The following LEPR variants were observed in gnomAD, a reference collection of about 807,000 sequenced individuals.
LEPR encodes the protein leptin receptor, also known as OB receptor.
In LEPR, 56 loss-of-function variants were observed where a neutral mutation model predicts 114.7. The ratio of observed to expected loss-of-function variants is 0.49; its 90% CI spans 0.39 to 0.61. The LOEUF (loss-of-function observed/expected upper bound fraction) is 0.61. Ranked by LOEUF, LEPR falls within the 20% of genes least tolerant of loss-of-function variation. LEPR has a pLI of 0.00. For missense variants in LEPR, 1,202 were observed against 1,352.9 expected, an observed-to-expected ratio of 0.89 and a Z score of 1.75; for synonymous variants, 443 against 461.4, an observed-to-expected ratio of 0.96 and a Z score of 0.51.
chr1:65,426,795 G>A (rs747791356), intron 2 of LEPR, among the ~76,000 whole-genome samples: 7 of 151,942 alleles, frequency 4.6e-5, no homozygotes, highest in South Asian at 2.1e-4. Flanking sequence ...TCAAGAGATC[G>A]AGACCATCCT....
chr1:65,526,541 C>G (rs1649984606), intron 2 of LEPR: 1 of 464,750 alleles, frequency 2.2e-6, no homozygotes, highest in African/African-American at 2.1e-5. Context: ...TAATGGAGTT[C>G]TTTATACTGA....
intron 2 of LEPR, among the ~76,000 whole-genome samples, chr1:65,564,975 A>T (rs953063460): frequency 6.6e-6 from 1 of 152,230 alleles, no homozygotes; most frequent in African/African-American, 2.4e-5. Flanking sequence ...AAGCCACCAG[A>T]CTTTTAATTA....
chr1:65,620,019 T>C lies in LEPR; in HGVS notation c.2487T>C (p.Thr829=), dbSNP rs745453240. Residue 829 remains threonine, a synonymous_variant, in exon 17 of 20, where the codon ACT becomes ACC. Coordinates refer to ENST00000349533, the MANE Select transcript of LEPR (RefSeq NM_002303.6). ...AACCAAAGATAATTAATAGTTTCACTCAAGGTAAAAATTATAATTTTAGTT... is the reference window on the plus strand; with the variant it reads ...AACCAAAGATAATTAATAGTTTCACCCAAGGTAAAAATTATAATTTTAGTT... ...VGKPKIINSF[T]QDDIEKHQSD... The C allele has an allele frequency of 1.2e-6, 2 of 1,607,402 alleles. No individual in the cohort carries two copies. The highest frequency in any genetic ancestry group is 2.7e-5 in the African/African-American group (2 of 74,778).
intron 2 of LEPR, among the ~76,000 whole-genome samples, chr1:65,488,214 C>CTCTT (rs1647648459): frequency 2.1e-5 from 1 of 46,768 alleles, no homozygotes; most frequent in Non-Finnish European, 3.6e-5. Flanking sequence ...CTTTCTTTCT[C>CTCTT]TCTCTCTCTC....
Position 65,488,214 on chromosome 1 carries a change from C to CTTTCTTTCTTTCTTTCTT in LEPR, c.-21+62837_-21+62838insTTCTTTCTTTCTTTCTTT, listed in dbSNP as rs774153035. ...TTTCTTTCTTTCTTTCTTTCTTTCTCTCTCTCTCTCTCTCTTTCTTTCTTT... is the reference window on the plus strand; with the variant it reads ...TTTCTTTCTTTCTTTCTTTCTTTCTCTTTCTTTCTTTCTTTCTTTCTCTCTCTCTCTCTTTCTTTCTTT... On this transcript the variant is annotated intron_variant, in intron 2 of 19. Transcript: ENST00000349533. 1.9e-3 allele frequency among the ~76,000 whole-genome samples: 88 copies of CTTTCTTTCTTTCTTTCTT among 46,778 alleles called. 3 individuals are homozygous for CTTTCTTTCTTTCTTTCTT. The highest frequency in any genetic ancestry group is 2.2e-3 in the Non-Finnish European group (61 of 27,896). 30.7% of individuals were successfully genotyped at this position (46,778 alleles called of 152,430 possible).
intron 2 of LEPR, among the ~76,000 whole-genome samples, chr1:65,507,700 C>A (rs1423721745): frequency 6.6e-6 from 1 of 151,522 alleles, no homozygotes; most frequent in Non-Finnish European, 1.5e-5. Flanking sequence ...TTGCATATAC[C>A]CAGAGGTAGA....
chr1:65,614,713 G>T (rs1364457366), intron 14 of LEPR, among the ~76,000 whole-genome samples: 1 of 152,130 alleles, frequency 6.6e-6, no homozygotes, highest in Non-Finnish European at 1.5e-5. Context: ...GGGGATATAG[G>T]TATGAACTTA....
chr1:65,547,939 G>A (rs905234167), intron 2 of LEPR, among the ~76,000 whole-genome samples: 1 of 149,548 alleles, frequency 6.7e-6, no homozygotes, highest in Non-Finnish European at 1.5e-5. Context: ...TCTCCTGTGG[G>A]CATTTAGTGC....
At chr1:65,609,204 C>T (rs775943534) in intron 12 of LEPR, among the ~76,000 whole-genome samples, 38 of 151,850 alleles carry the variant, frequency 2.5e-4, no homozygotes, top group African/African-American at 8.5e-4. Flanking sequence ...TGTGTAGTCA[C>T]GGTATACATA....
At chr1:65,474,542 T>C (rs887978806) in intron 2 of LEPR, among the ~76,000 whole-genome samples, 2 of 152,222 alleles carry the variant, frequency 1.3e-5, no homozygotes, top group Admixed American at 6.5e-5. Flanking sequence ...GAGCAGTCAA[T>C]GTAAATGACA....
At chr1:65,545,491 T>C (rs1216828092) in intron 2 of LEPR, among the ~76,000 whole-genome samples, 12 of 150,968 alleles carry the variant, frequency 7.9e-5, no homozygotes, top group African/African-American at 1.9e-4. Context: ...TTTTTAATGA[T>C]TGCCATTCTA....
intron 5 of LEPR, among the ~76,000 whole-genome samples, chr1:65,588,660 A>T (rs1288449406): frequency 6.6e-6 from 1 of 152,024 alleles, no homozygotes; most frequent in Admixed American, 6.6e-5. Context: ...CTATTACTCT[A>T]GCATTTTTTA....
chr1:65,439,828 C>CA (rs34603511), intron 2 of LEPR, among the ~76,000 whole-genome samples: 7,576 of 56,526 alleles, frequency 0.13, 719 homozygotes, highest in Middle Eastern at 0.2. Flanking sequence ...AACTCCATCT[C>CA]AAAAAAAAAA....
intron 2 of LEPR, among the ~76,000 whole-genome samples, chr1:65,504,202 T>C (rs886525991): frequency 7.2e-5 from 11 of 152,120 alleles, no homozygotes; most frequent in Non-Finnish European, 1.3e-4. Context: ...AGTAAACAAA[T>C]AGGGAACAAG....
intron 5 of LEPR, among the ~76,000 whole-genome samples, chr1:65,590,104 A>G (rs2100885400): frequency 6.6e-6 from 1 of 151,966 alleles, no homozygotes; most frequent in Non-Finnish European, 1.5e-5. Flanking sequence ...CGTCAACAGC[A>G]TTTCATAGTT....
intron 2 of LEPR, among the ~76,000 whole-genome samples, chr1:65,487,004 T>C (rs1647520869): frequency 6.6e-6 from 1 of 152,154 alleles, no homozygotes; most frequent in Non-Finnish European, 1.5e-5. Context: ...CCTACCACTC[T>C]ATAAAACAGT....
At chr1:65,559,920 T>A (rs1425326072) in intron 2 of LEPR, among the ~76,000 whole-genome samples, 9 of 143,008 alleles carry the variant, frequency 6.3e-5, no homozygotes, top group South Asian at 2.4e-4. Flanking sequence ...ATCTCTGTTT[T>A]GGTACCAGTA....
intron 2 of LEPR, among the ~76,000 whole-genome samples, chr1:65,515,581 A>G (rs1304614133): frequency 1.3e-5 from 2 of 152,202 alleles, no homozygotes; most frequent in Admixed American, 6.5e-5. Context: ...ATCCTGAAGT[A>G]TTTTAATGTC....
intron 2 of LEPR, among the ~76,000 whole-genome samples, chr1:65,531,707 A>G (rs924820378): frequency 3.9e-5 from 6 of 152,172 alleles, no homozygotes; most frequent in East Asian, 3.9e-4. Context: ...ATTCAATTCT[A>G]TAAATATAAC....
Sources: allele counts gnomAD v4.1 joint callset (sites outside exome capture counted in the v4.1 genomes callset), GRCh38; gene constraint gnomAD v4.1.1; transcripts MANE v1.5; gene names NCBI Gene and HGNC (gene_info 2026-07-23, HGNC 2026-07-21).